Variants in NR5A1 observed in about 807,000 individuals in gnomAD.
The protein encoded by NR5A1 is nuclear receptor subfamily 5 group A member 1.
NR5A1 carries 6 observed loss-of-function variants against 42.7 expected under a neutral mutation model. The ratio of observed to expected loss-of-function variants is 0.14; its 90% CI spans 0.08 to 0.28. The LOEUF is 0.28. Among genes scored for constraint, NR5A1 ranks in the 10% least tolerant of loss-of-function variants. The probability of loss-of-function intolerance (pLI) is 1.00; values close to 1 mark genes in which losing one functional copy is unlikely to be tolerated. For missense variants in NR5A1, 442 were observed against 626.4 expected (o/e 0.71, Z 3.14); for synonymous variants, 274 against 277.5 (o/e 0.99, Z 0.12).
intron 6 of NR5A1, among the ~76,000 whole-genome samples, chr9:124,489,225 G>A (rs1413640212): frequency 6.6e-6 from 1 of 152,326 alleles, no homozygotes; most frequent in East Asian, 1.9e-4. Flanking sequence ...GGAGCCTGCT[G>A]GCTGATAGCC....
At position 124,482,714 on chromosome 9, in the gene NR5A1, CCCCCA is replaced by C; in HGVS notation, c.*39_*43del. On this transcript the variant is annotated 3_prime_UTR_variant, in exon 7 of 7. Transcript: ENST00000373588. The stretch of plus-strand genomic sequence containing the variant: ...TGGCTGCGGCCCCGCCCAGGCCCCG[CCCCCA>C]GTCCCGCCCCCAGTCCCGGCCCCGC... 1.5e-6 allele frequency: 1 copy of C among 655,506 alleles called. No homozygotes were observed. Among genetic ancestry groups the C allele is most frequent in the Non-Finnish European group, 2.6e-6 (1 of 378,776 alleles). The allele number at this position is 655,506 out of a possible 1,614,324, so 40.6% of individuals were successfully genotyped here.
chr9:124,491,569 G>A (rs1760803211), intron 5 of NR5A1, among the ~76,000 whole-genome samples: 1 of 152,122 alleles, frequency 6.6e-6, no homozygotes, highest in Non-Finnish European at 1.5e-5. Flanking sequence ...GCTGGGAGGG[G>A]AGGGGTTGGG....
rs950903307 is a variant in NR5A1, at chr9:124,482,515, G to A, written c.*243C>T. 5 of 569,352 alleles carry A rather than the reference G, an allele frequency of 8.8e-6. No individual in the cohort carries two copies. Among genetic ancestry groups the A allele is most frequent in the Middle Eastern group, 4.7e-4 (1 of 2,114 alleles). 35.3% of individuals were successfully genotyped at this position (569,352 alleles called of 1,614,324 possible). ...CGGGTGGTTAACAGCCACCTCCTTGGGGCACTCCAAGCAGCAGGCAAGTGC... is the reference window on the plus strand; with the variant it reads ...CGGGTGGTTAACAGCCACCTCCTTGAGGCACTCCAAGCAGCAGGCAAGTGC... On this transcript the variant is annotated 3_prime_UTR_variant, in exon 7 of 7. Coordinates refer to ENST00000373588, the MANE Select transcript of NR5A1 (RefSeq NM_004959.5).
intron 6 of NR5A1, among the ~76,000 whole-genome samples, chr9:124,487,064 C>T (rs6478666): frequency 1.3e-5 from 2 of 152,128 alleles, no homozygotes; most frequent in Non-Finnish European, 2.9e-5. Flanking sequence ...CCTGCGCCCC[C>T]CAAGCCCGCT....
chr9:124,491,189 G>T lies in NR5A1; in HGVS notation c.1030C>A (p.Leu344Met). ...TGCGCCCGCAACACCAGGCTGTGCA[G>T]CAGCGAGCCCGCCTGGGTGGCCACT... ...TTVATQAGSL[L>M]HSLVLRAQEL... Residue 344 changes from leucine to methionine, a missense_variant, in exon 6 of 7, where the codon CTG becomes ATG. By Grantham distance (15) the Leu-to-Met change is conservative. This residue lies in a region of NR5A1 where 163 missense variants were observed against 265.8 expected (regional missense o/e 0.61). Coordinates refer to ENST00000373588, the MANE Select transcript of NR5A1 (RefSeq NM_004959.5). The T allele has an allele frequency of 1.9e-6, 3 of 1,608,520 alleles. No homozygotes were observed. Among genetic ancestry groups the T allele is most frequent in the Non-Finnish European group, 2.5e-6 (3 of 1,178,072 alleles).
rs373824247 is a variant in NR5A1, at chr9:124,487,827, A to C, written c.1138+3254T>G. Among the ~76,000 whole-genome samples the C allele has an allele frequency of 1.7e-3, 256 of 152,208 alleles. 2 individuals are homozygous for C. Among genetic ancestry groups the C allele is most frequent in the African/African-American group, 5.8e-3 (242 of 41,556 alleles). On this transcript the variant is annotated intron_variant, in intron 6 of 6. Transcript: ENST00000373588. ...TCAGGAGAGGAGACCTCTGCTCCAG[A>C]CCCTGGAGTCTGCTCCAGCCCAGCC...
At chr9:124,487,340 G>GGTAAAA (rs1257297911) in intron 6 of NR5A1, among the ~76,000 whole-genome samples, 1 of 152,246 alleles carries the variant, frequency 6.6e-6, no homozygotes, top group Non-Finnish European at 1.5e-5. Flanking sequence ...CCTTTTGTTG[G>GGTAAAA]CGCGGAGCAG....
chr9:124,502,916 C>T (rs937351638), intron 3 of NR5A1, among the ~76,000 whole-genome samples, 163 bp downstream of exon 3: 1 of 152,224 alleles, frequency 6.6e-6, no homozygotes, highest in African/African-American at 2.4e-5. Context: ...CCGAGGCCCA[C>T]CCAGCGCCAG....
chr9:124,505,012 C>A (rs1046639304), intron 1 of NR5A1, among the ~76,000 whole-genome samples: 4 of 151,894 alleles, frequency 2.6e-5, no homozygotes, highest in African/African-American at 9.6e-5. Context: ...GGGGGCCGGC[C>A]CCTCTATATC....
Position 124,482,735 on chromosome 9 carries a change from C to G in NR5A1, c.*23G>C. On this transcript the variant is annotated 3_prime_UTR_variant, in exon 7 of 7. Coordinates refer to ENST00000373588, the MANE Select transcript of NR5A1 (RefSeq NM_004959.5). ...CCCGCCCCCAGTCCCGCCCCCAGTC[C>G]CGGCCCCGCCCCCGGCCCAGGCTCA... The G allele has an allele frequency of 7.3e-7, 1 of 1,365,126 alleles. No individual in the cohort carries two copies. 84.6% of individuals were successfully genotyped at this position (1,365,126 alleles called of 1,614,324 possible). A position where few individuals can be genotyped will look rare whatever the true frequency, so the allele number is the denominator to read the frequency against.
At position 124,500,349 on chromosome 9, in the gene NR5A1, G is replaced by C; in HGVS notation, c.611C>G (p.Pro204Arg). The C allele has an allele frequency of 6.4e-7, 1 of 1,556,536 alleles. No individual in the cohort carries two copies. The highest frequency in any genetic ancestry group is 8.7e-7 in the Non-Finnish European group (1 of 1,150,494). Residue 204 changes from proline to arginine, a missense_variant, in exon 4 of 7, where the codon CCC (proline) becomes CGC (arginine). Coordinates refer to ENST00000373588, the MANE Select transcript of NR5A1 (RefSeq NM_004959.5). This position sits in a 1 kb window ranked among gnomAD's most constrained non-coding sequence, Gnocchi z 6.9. ...KSEYPEPYAS[P>R]PQPGLPYGYP... is the part of the protein sequence containing the mutation. Reference sequence around the variant, plus strand: ...GCCGTACGGCAGCCCAGGCTGTGGGGGGCTGGCATAAGGCTCCGGGTACTC... The same window carrying C: ...GCCGTACGGCAGCCCAGGCTGTGGGCGGCTGGCATAAGGCTCCGGGTACTC...
At chr9:124,491,019 C>CCCCG in intron 6 of NR5A1, 62 bp downstream of exon 6, 1 of 483,058 alleles carries the variant, frequency 2.1e-6, no homozygotes, top group Non-Finnish European at 3.9e-6. Flanking sequence ...CCAGCCTCAC[C>CCCCG]CACCCTCCCA....
At chr9:124,491,039 C>CCCCCT in intron 6 of NR5A1, 42 bp downstream of exon 6, 2 of 1,496,946 alleles carry the variant, frequency 1.3e-6, no homozygotes, top group Non-Finnish European at 9.0e-7. Context: ...ACCCACCCGC[C>CCCCCT]TCTGGCTGTC....
At chr9:124,483,712 T>A (rs1832165149) in intron 6 of NR5A1, among the ~76,000 whole-genome samples, 1 of 152,180 alleles carries the variant, frequency 6.6e-6, no homozygotes. Flanking sequence ...TCTGCCACCA[T>A]CACCACTGTC....
chr9:124,488,050 G>A (rs1016576159), intron 6 of NR5A1, among the ~76,000 whole-genome samples: 3 of 98,048 alleles, frequency 3.1e-5, no homozygotes, highest in East Asian at 3.1e-4. Context: ...TCCCCACCCC[G>A]TCCCCACCCC....
In NR5A1 at chr9:124,496,489, C is replaced by T. The variant is rs566710342; in HGVS notation, c.871-3340G>A. Among the ~76,000 whole-genome samples the T allele has an allele frequency of 3.3e-5, 5 of 152,252 alleles. 1 individual carries two copies. The South Asian group carries it at 1.0e-3, about 32-fold the overall frequency. On this transcript the variant is annotated intron_variant, in intron 4 of 6. Coordinates refer to ENST00000373588, the MANE Select transcript of NR5A1 (RefSeq NM_004959.5). The surrounding 1 kb of genome is among the most constrained non-coding windows in gnomAD (Gnocchi z 5.0). Reference sequence around the variant, plus strand: ...CGGACCGCCACAAATCTTCCTGGAGCCTTGACGCTCTGCAGGCTGCCTCAG... The same window carrying T: ...CGGACCGCCACAAATCTTCCTGGAGTCTTGACGCTCTGCAGGCTGCCTCAG...
At chr9:124,487,329 G>A (rs1257453290) in intron 6 of NR5A1, among the ~76,000 whole-genome samples, 1 of 152,222 alleles carries the variant, frequency 6.6e-6, no homozygotes, top group Non-Finnish European at 1.5e-5. Flanking sequence ...TATTCAGGCC[G>A]CCTTTTGTTG....
At chr9:124,487,909 C>T (rs1832244546) in intron 6 of NR5A1, among the ~76,000 whole-genome samples, 4 of 152,230 alleles carry the variant, frequency 2.6e-5, no homozygotes, top group Admixed American at 2.6e-4. Flanking sequence ...TTTTCCCATG[C>T]TGCACTTAGA....
chr9:124,486,864 C>T (rs558924880), intron 6 of NR5A1, among the ~76,000 whole-genome samples: 2 of 152,360 alleles, frequency 1.3e-5, no homozygotes, highest in South Asian at 2.1e-4. Flanking sequence ...GTTCAGATCC[C>T]GGCTTTACAA....
Sources: allele counts gnomAD v4.1 joint callset (sites outside exome capture counted in the v4.1 genomes callset), GRCh38; gene constraint gnomAD v4.1.1; regional missense constraint gnomAD v4.1.1; non-coding constraint Gnocchi (gnomAD v3.1); transcripts MANE v1.5; gene names NCBI Gene and HGNC (gene_info 2026-07-23, HGNC 2026-07-21).